The following OR1D2 variants were observed in gnomAD, a reference collection of about 807,000 sequenced individuals.
OR1D2 encodes the protein olfactory receptor family 1 subfamily D member 2, also known as olfactory receptor 1D2.
For missense variants in OR1D2, 357 were observed against 376.1 expected (o/e 0.95, Z 0.42); for synonymous variants, 157 against 153.9 (o/e 1.02, Z -0.15).
In OR1D2 at chr17:3,091,825, G is replaced by A; in HGVS notation, c.*233C>T. 1 of 445,474 alleles carries A rather than the reference G, an allele frequency of 2.2e-6. No homozygotes were observed. The highest frequency in any genetic ancestry group is 4.0e-5 in the South Asian group (1 of 25,246). The allele number at this position is 445,474 out of a possible 1,614,324, so 27.6% of individuals were successfully genotyped here. On this transcript the variant is annotated 3_prime_UTR_variant, in exon 2 of 2. Coordinates refer to ENST00000641833, the MANE Select transcript of OR1D2 (RefSeq NM_002548.3). ...TGTAGTCAAGTACATTGAAGAATTT[G>A]ACCCTGCAACATTCTAGTGTTGGTG...
At position 3,088,633 on chromosome 17, in the gene OR1D2, G is replaced by A. The variant is rs1350176218; in HGVS notation, c.*3425C>T. ...TCAATTGAGCAAGCAGGGGGTACGT[G>A]ACTGGGGGCTGCATGCACCAGTAAT... is the stretch of plus-strand genomic sequence containing the variant. On this transcript the variant is annotated 3_prime_UTR_variant, in exon 2 of 2. Coordinates refer to ENST00000641833, the MANE Select transcript of OR1D2 (RefSeq NM_002548.3). 2 of 155,828 alleles carry A rather than the reference G, an allele frequency of 1.3e-5. No homozygotes were observed. Among genetic ancestry groups the A allele is most frequent in the East Asian group, 1.9e-4 (1 of 5,186 alleles). The allele number at this position is 155,828 out of a possible 1,614,324, so 9.7% of individuals were successfully genotyped here.
Position 3,092,467 on chromosome 17 carries a change from A to G in OR1D2, c.530T>C (p.Ile177Thr). 6.2e-7 allele frequency: 1 copy of G among 1,614,156 alleles called. No homozygotes were observed. The highest frequency in any genetic ancestry group is 8.5e-7 in the Non-Finnish European group (1 of 1,180,024). ...CAGCAATACATACATCTCACAGAAG[A>G]TGTAGTGGATTTTTCGTGACCCACA... is the stretch of plus-strand genomic sequence containing the variant. ...TFCGSRKIHY[I>T]FCEMYVLLRM... is the part of the protein sequence containing the mutation. The change falls in exon 2 of 2, where the codon ATC becomes ACC. Residue 177 changes from isoleucine to threonine, a missense_variant. By Grantham distance (89) the Ile-to-Thr change is moderately conservative. Transcript: ENST00000641833.
chr17:3,092,471 AG>A lies in OR1D2; in HGVS notation c.525del (p.Tyr176ThrfsTer10). ...RVTFCGSRKI[H>X]YIFCEMYVLL... Reference sequence around the variant, plus strand: ...AATACATACATCTCACAGAAGATGTAGTGGATTTTTCGTGACCCACAGAAGG... The same window carrying A: ...AATACATACATCTCACAGAAGATGTATGGATTTTTCGTGACCCACAGAAGG... On this transcript the variant is annotated frameshift_variant, in exon 2 of 2. Transcript: ENST00000641833. LOFTEE classifies it low-confidence loss of function (END_TRUNC). The A allele has an allele frequency of 6.2e-7, 1 of 1,614,216 alleles. No individual in the cohort carries two copies. Among genetic ancestry groups the A allele is most frequent in the Non-Finnish European group, 8.5e-7 (1 of 1,180,040 alleles).
At position 3,095,514 on chromosome 17, in the gene OR1D2, A is replaced by G. The variant is rs961791850; in HGVS notation, c.-50-2468T>C. On this transcript the variant is annotated intron_variant, in intron 1 of 1. Transcript: ENST00000641833. ...CTATCTTATAAAAACTACTAAAGAA[A>G]TTTCTTTAGGTTGAAAGTAAGTTAC... 3.9e-5 allele frequency among the ~76,000 whole-genome samples: 6 copies of G among 152,112 alleles called. No individual in the cohort carries two copies. The East Asian group carries it at 1.2e-3, about 29-fold the overall frequency.
chr17:3,089,406 A>T lies in OR1D2; in HGVS notation c.*2652T>A, dbSNP rs1453054256. 6.6e-6 allele frequency: 1 copy of T among 152,286 alleles called. No homozygotes were observed. The highest frequency in any genetic ancestry group is 1.5e-5 in the Non-Finnish European group (1 of 68,142). 9.4% of individuals were successfully genotyped at this position (152,286 alleles called of 1,614,324 possible). Reference sequence around the variant, plus strand: ...TAGCAGTGGAGTAAAGTGAACTCTCATGGTCCAAGTGTTTATCTAGGAGTC... The same window carrying T: ...TAGCAGTGGAGTAAAGTGAACTCTCTTGGTCCAAGTGTTTATCTAGGAGTC... On this transcript the variant is annotated 3_prime_UTR_variant, in exon 2 of 2. Transcript: ENST00000641833.
At chr17:3,099,343 C>T (rs1355322397) in intron 1 of OR1D2, among the ~76,000 whole-genome samples, 2 of 152,124 alleles carry the variant, frequency 1.3e-5, no homozygotes, top group Admixed American at 1.3e-4. Context: ...AGAAACCCTA[C>T]AAGATAGAAG....
At position 3,089,352 on chromosome 17, in the gene OR1D2, A is replaced by G. The variant is rs1190602214; in HGVS notation, c.*2706T>C. 2 of 152,332 alleles carry G rather than the reference A, an allele frequency of 1.3e-5. No individual in the cohort carries two copies. Among genetic ancestry groups the G allele is most frequent in the South Asian group, 2.1e-4 (1 of 4,834 alleles). 9.4% of individuals were successfully genotyped at this position (152,332 alleles called of 1,614,324 possible). On this transcript the variant is annotated 3_prime_UTR_variant, in exon 2 of 2. Transcript: ENST00000641833. ...GTGATCTGTCTTCAGTCCCTCAGGCATGGATACCAGTGCCTGGTCCAGTGG... is the reference window on the plus strand; with the variant it reads ...GTGATCTGTCTTCAGTCCCTCAGGCGTGGATACCAGTGCCTGGTCCAGTGG...
chr17:3,091,909 A>G lies in OR1D2; in HGVS notation c.*149T>C. 1.6e-6 allele frequency: 1 copy of G among 639,666 alleles called. No individual in the cohort carries two copies. Among genetic ancestry groups the G allele is most frequent in the East Asian group, 2.7e-5 (1 of 36,498 alleles). The allele number at this position is 639,666 out of a possible 1,614,324, so 39.6% of individuals were successfully genotyped here. A position where few individuals can be genotyped will look rare whatever the true frequency, so the allele number is the denominator to read the frequency against. On this transcript the variant is annotated 3_prime_UTR_variant, in exon 2 of 2. Coordinates refer to ENST00000641833, the MANE Select transcript of OR1D2 (RefSeq NM_002548.3). ...AGACCTGGGGGACACCAGGTTACAA[A>G]TATGTCTTTTTTATCACCACATATC...
At chr17:3,099,108 G>A (rs2151708232) in intron 1 of OR1D2, among the ~76,000 whole-genome samples, 1 of 151,708 alleles carries the variant, frequency 6.6e-6, no homozygotes, top group East Asian at 1.9e-4. Flanking sequence ...ACACACTTCA[G>A]GATATTATCC....
chr17:3,101,954 A>G (rs1278466221), intron 1 of OR1D2, among the ~76,000 whole-genome samples: 2 of 152,190 alleles, frequency 1.3e-5, no homozygotes, highest in Non-Finnish European at 2.9e-5. Context: ...CAATGAAATG[A>G]TAAATGTCTG....
Position 3,092,248 on chromosome 17 carries a change from A to AG in OR1D2, c.748dup (p.Leu250ProfsTer57), listed in dbSNP as rs2047814902. On this transcript the variant is annotated frameshift_variant, in exon 2 of 2. Transcript: ENST00000641833. LOFTEE classifies it high-confidence loss of function. The stretch of plus-strand genomic sequence containing the variant: ...TACCATACAAAGTGTCCCATAGAAG[A>AG]GGGAGACTGCACCCAAATGGGAGGC... 6.2e-7 allele frequency: 1 copy of AG among 1,614,062 alleles called. No homozygotes were observed. Among genetic ancestry groups the AG allele is most frequent in the Non-Finnish European group, 8.5e-7 (1 of 1,180,038 alleles).
intron 1 of OR1D2, among the ~76,000 whole-genome samples, chr17:3,101,187 C>T (rs2047873434): frequency 6.6e-6 from 1 of 152,146 alleles, no homozygotes; most frequent in South Asian, 2.1e-4. Context: ...CCAGCATCAT[C>T]CTGATGCCAA....
rs2047818124 is a variant in OR1D2 at position 3,092,498 on chromosome 17, T to G, written c.499A>C (p.Thr167Pro). The G allele has an allele frequency of 1.2e-6, 2 of 1,614,056 alleles. No individual in the cohort carries two copies. The highest frequency in any genetic ancestry group is 1.7e-6 in the Non-Finnish European group (2 of 1,180,018). ...LIHTLLMTRV[T>P]FCGSRKIHYI... Reference sequence around the variant, plus strand: ...TGGATTTTTCGTGACCCACAGAAGGTCACTCTGGTCATGAGGAGGGTGTGT... The same window carrying G: ...TGGATTTTTCGTGACCCACAGAAGGGCACTCTGGTCATGAGGAGGGTGTGT... Residue 167 changes from threonine (T) to proline (P), a missense_variant, in exon 2 of 2, where the codon ACC becomes CCC. Coordinates refer to ENST00000641833, the MANE Select transcript of OR1D2 (RefSeq NM_002548.3).
At chr17:3,096,863 G>A (rs901611151) in intron 1 of OR1D2, among the ~76,000 whole-genome samples, 13 of 152,134 alleles carry the variant, frequency 8.5e-5, no homozygotes, top group East Asian at 1.9e-4. Context: ...AATTAACTGC[G>A]CCTAACAGAT....
intron 1 of OR1D2, among the ~76,000 whole-genome samples, chr17:3,102,086 T>C (rs919461481): frequency 3.9e-5 from 6 of 152,214 alleles, no homozygotes; most frequent in African/African-American, 1.4e-4. Context: ...TTACTGTACA[T>C]ATTATTGCAA....
chr17:3,094,095 CAGAT>C (rs768491347), intron 1 of OR1D2, among the ~76,000 whole-genome samples: 8 of 152,230 alleles, frequency 5.3e-5, no homozygotes, highest in East Asian at 1.9e-4. Context: ...AGAAACTTCA[CAGAT>C]AGACACAAAA....
Position 3,092,102 on chromosome 17 carries a change from C to T in OR1D2, c.895G>A (p.Ala299Thr). The T allele has an allele frequency of 6.2e-7, 1 of 1,613,812 alleles. No individual in the cohort carries two copies. Among genetic ancestry groups the T allele is most frequent in the Non-Finnish European group, 8.5e-7 (1 of 1,179,862 alleles). ...YSLRNKDMHG[A>T]LGRLLDKHFK... ...TGTTTATCTAGGAGTCTTCCCAGAG[C>T]CCCATGCATGTCCTTGTTCCTCAGG... The change falls in exon 2 of 2, where the codon GCT becomes ACT. Residue 299 changes from alanine to threonine, a missense_variant. Transcript: ENST00000641833.
Position 3,098,643 on chromosome 17 carries a change from C to T in OR1D2, c.-51+5456G>A, listed in dbSNP as rs374266942. ...GCTTCTCCAGATAGTTGCAATACCT[C>T]GCCAGCCAGGAAGCAGAACTGGATG... is the stretch of plus-strand genomic sequence containing the variant. On this transcript the variant is annotated intron_variant, in intron 1 of 1. Coordinates refer to ENST00000641833, the MANE Select transcript of OR1D2 (RefSeq NM_002548.3). Among the ~76,000 whole-genome samples the T allele has an allele frequency of 7.2e-5, 11 of 152,188 alleles. No homozygotes were observed. The South Asian group carries it at 8.3e-4, about 11-fold the overall frequency.
At chr17:3,093,232 T>G (rs183374694) in intron 1 of OR1D2, among the ~76,000 whole-genome samples, 186 bp from the exon 2 acceptor site, 83 of 152,356 alleles carry the variant, frequency 5.4e-4, no homozygotes, top group Admixed American at 2.4e-3. Context: ...AATGTGTAAT[T>G]CTTATTTTCA....
Sources: allele counts gnomAD v4.1 joint callset (sites outside exome capture counted in the v4.1 genomes callset), GRCh38; gene constraint gnomAD v4.1.1; transcripts MANE v1.5; gene names NCBI Gene and HGNC (gene_info 2026-07-23, HGNC 2026-07-21).